CAMK4: variants seen among roughly 807,000 people sequenced by gnomAD.
CAMK4 encodes calcium/calmodulin dependent protein kinase IV, also known as calcium/calmodulin-dependent protein kinase type IV.
In CAMK4, 22 loss-of-function variants were observed where a neutral mutation model predicts 44.9. The ratio of observed to expected loss-of-function variants is 0.49; its 90% confidence interval spans 0.35 to 0.70. CAMK4 has a LOEUF of 0.70. CAMK4 is among the 30% of genes least tolerant of loss of function. The probability of loss-of-function intolerance (pLI) is 0.01; values close to 1 mark genes in which losing one functional copy is unlikely to be tolerated. For missense variants in CAMK4, 498 were observed against 586.8 expected, an observed-to-expected ratio of 0.85 and a Z score of 1.56; for synonymous variants, 218 against 215.4, an observed-to-expected ratio of 1.01 and a Z score of -0.11.
Position 111,224,514 on chromosome 5 carries a change from G to T in CAMK4, c.31G>T (p.Ala11Ser). 6.2e-7 allele frequency: 1 copy of T among 1,610,306 alleles called. No individual in the cohort carries two copies. MLKVTVPSCS[A>S]SSCSSVTASA... is the part of the protein sequence containing the mutation. ...CAAAGTCACGGTGCCCTCCTGCTCCGCCTCGTCCTGCTCTTCGGTCACCGC... is the reference window on the plus strand; with the variant it reads ...CAAAGTCACGGTGCCCTCCTGCTCCTCCTCGTCCTGCTCTTCGGTCACCGC... Residue 11 changes from alanine (A) to serine (S), a missense_variant, in exon 1 of 11, where the codon GCC (alanine) becomes TCC (serine). Coordinates refer to ENST00000282356, the MANE Select transcript of CAMK4 (RefSeq NM_001744.6). This position sits in a 1 kb window ranked among gnomAD's most constrained non-coding sequence, Gnocchi z 5.7.
intron 1 of CAMK4, among the ~76,000 whole-genome samples, chr5:111,335,610 G>A (rs555863858): frequency 3.5e-4 from 53 of 151,460 alleles, no homozygotes; most frequent in African/African-American, 1.2e-3. Flanking sequence ...GACAGATGAA[G>A]AGCCCCTTTC....
intron 1 of CAMK4, among the ~76,000 whole-genome samples, chr5:111,245,058 AGAATAT>A (rs1749173046): frequency 6.6e-6 from 1 of 152,192 alleles, no homozygotes; most frequent in East Asian, 1.9e-4. Context: ...ATATATTACT[AGAATAT>A]TTAGCAAAAC....
In CAMK4 at chr5:111,488,828, A is replaced by G. The variant is rs575784795; in HGVS notation, c.*4362A>G. ...ATTAACAAATATACATAGCAGAGTC[A>G]ATTAATCATAGTGCCATTATGTCAC... is the stretch of plus-strand genomic sequence containing the variant. On this transcript the variant is annotated 3_prime_UTR_variant, in exon 11 of 11. Coordinates refer to ENST00000282356, the MANE Select transcript of CAMK4 (RefSeq NM_001744.6). The G allele has an allele frequency of 1.3e-5, 2 of 152,386 alleles. No homozygotes were observed. The highest frequency in any genetic ancestry group is 4.1e-4 in the South Asian group (2 of 4,832). 9.4% of individuals were successfully genotyped at this position (152,386 alleles called of 1,614,324 possible).
chr5:111,249,666 A>ATATATATATGTGTG (rs1242789662), intron 1 of CAMK4, among the ~76,000 whole-genome samples: 10 of 140,688 alleles, frequency 7.1e-5, no homozygotes, highest in African/African-American at 2.4e-4. Flanking sequence ...GTGTATATAT[A>ATATATATATGTGTG]TGTGTGTGTG....
At chr5:111,386,069 T>A (rs1430440775) in intron 4 of CAMK4, among the ~76,000 whole-genome samples, 2 of 152,192 alleles carry the variant, frequency 1.3e-5, no homozygotes, top group African/African-American at 4.8e-5. Context: ...CAGGTGCTAG[T>A]AGTATCTTTG....
At chr5:111,364,235 T>C (rs943423282) in intron 2 of CAMK4, among the ~76,000 whole-genome samples, 3 of 151,922 alleles carry the variant, frequency 2.0e-5, no homozygotes, top group African/African-American at 7.2e-5. Context: ...GTGTTCTAGA[T>C]CCCAGGGAGA....
At chr5:111,252,634 C>G (rs1303692160) in intron 1 of CAMK4, among the ~76,000 whole-genome samples, 1 of 152,090 alleles carries the variant, frequency 6.6e-6, no homozygotes. Context: ...AAGCTGGTAA[C>G]TAACATAGTA....
In CAMK4 at chr5:111,490,494, A is replaced by C. The variant is rs1411158807; in HGVS notation, c.*6028A>C. The C allele has an allele frequency of 6.6e-6, 1 of 152,248 alleles. No individual in the cohort carries two copies. Among genetic ancestry groups the C allele is most frequent in the Non-Finnish European group, 1.5e-5 (1 of 68,120 alleles). 9.4% of individuals were successfully genotyped at this position (152,248 alleles called of 1,614,324 possible). On this transcript the variant is annotated 3_prime_UTR_variant, in exon 11 of 11. Transcript: ENST00000282356. ...GCTCCTGTAATCTCAGCTACTCAGG[A>C]GGCTGAGGCAGGAGAATCTCTTGAA... is the stretch of plus-strand genomic sequence containing the variant.
chr5:111,329,197 T>C (rs549447427), intron 1 of CAMK4, among the ~76,000 whole-genome samples: 1 of 152,032 alleles, frequency 6.6e-6, no homozygotes, highest in South Asian at 2.1e-4. Flanking sequence ...CTAAAACCTC[T>C]CAATAAATTA....
intron 1 of CAMK4, among the ~76,000 whole-genome samples, chr5:111,273,017 C>T (rs1443425276): frequency 6.6e-6 from 1 of 152,040 alleles, no homozygotes; most frequent in Non-Finnish European, 1.5e-5. Flanking sequence ...TTCTGTGCTT[C>T]CCTGAGTCAG....
chr5:111,329,830 A>T (rs1479798391), intron 1 of CAMK4, among the ~76,000 whole-genome samples: 1 of 151,808 alleles, frequency 6.6e-6, no homozygotes, highest in Middle Eastern at 3.2e-3. Context: ...GTAAGAAAGA[A>T]AGGGAATTTT....
intron 1 of CAMK4, among the ~76,000 whole-genome samples, chr5:111,316,523 C>T (rs1228665968): frequency 6.6e-6 from 1 of 152,082 alleles, no homozygotes; most frequent in Admixed American, 6.6e-5. Flanking sequence ...ATTGATCTTC[C>T]TCTAGCTCTG....
chr5:111,338,327 C>T (rs1749495572), intron 1 of CAMK4, among the ~76,000 whole-genome samples: 2 of 151,106 alleles, frequency 1.3e-5, no homozygotes, highest in Non-Finnish European at 3.0e-5. Context: ...ATTTGTTCCT[C>T]CTGGCTAATT....
chr5:111,225,450 T>C (rs1230456609), intron 1 of CAMK4, among the ~76,000 whole-genome samples: 1 of 146,354 alleles, frequency 6.8e-6, no homozygotes, highest in Non-Finnish European at 1.5e-5. Flanking sequence ...ATAGTTTTCT[T>C]TCCCTTACTT....
intron 8 of CAMK4, among the ~76,000 whole-genome samples, chr5:111,474,910 C>A: frequency 6.6e-6 from 1 of 152,182 alleles, no homozygotes; most frequent in Non-Finnish European, 1.5e-5. Context: ...CACCTGTAAT[C>A]CCAGCACTTC....
chr5:111,341,659 A>T (rs1473647980), intron 1 of CAMK4, among the ~76,000 whole-genome samples: 1 of 151,352 alleles, frequency 6.6e-6, no homozygotes, highest in Non-Finnish European at 1.5e-5. Context: ...TAACAATTAC[A>T]GTAAATGCTT....
In CAMK4 at chr5:111,255,052, C is replaced by A. The variant is rs879706507; in HGVS notation, c.161+30408C>A. ...AAAGCTATACTTTGTCCAACTTTTACTTAGTACTTAAAAAAAAAAAAGAAT... is the reference window on the plus strand; with the variant it reads ...AAAGCTATACTTTGTCCAACTTTTAATTAGTACTTAAAAAAAAAAAAGAAT... On this transcript the variant is annotated intron_variant, in intron 1 of 10. Transcript: ENST00000282356. Among the ~76,000 whole-genome samples, 76 of 133,622 alleles carry A rather than the reference C, an allele frequency of 5.7e-4. 1 individual carries two copies. The highest frequency in any genetic ancestry group is 4.3e-3 in the Admixed American group (59 of 13,576). The allele number at this position is 133,622 out of a possible 152,430, so 87.7% of individuals were successfully genotyped here. A position where few individuals can be genotyped will look rare whatever the true frequency, so the allele number is the denominator to read the frequency against.
intron 1 of CAMK4, among the ~76,000 whole-genome samples, chr5:111,299,871 C>T (rs765190076): frequency 3.3e-5 from 5 of 152,094 alleles, no homozygotes; most frequent in Non-Finnish European, 7.3e-5. Context: ...CCATATATGA[C>T]ATAGTATCGG....
intron 7 of CAMK4, among the ~76,000 whole-genome samples, chr5:111,465,055 C>G (rs563203312): frequency 4.8e-4 from 73 of 152,234 alleles, no homozygotes; most frequent in African/African-American, 1.6e-3. Context: ...ACATCTGTGC[C>G]TTGCAACATC....
Sources: allele counts gnomAD v4.1 joint callset (sites outside exome capture counted in the v4.1 genomes callset), GRCh38; gene constraint gnomAD v4.1.1; non-coding constraint Gnocchi (gnomAD v3.1); transcripts MANE v1.5; gene names NCBI Gene and HGNC (gene_info 2026-07-23, HGNC 2026-07-21).